PYY: variants seen among roughly 807,000 people sequenced by gnomAD.
PYY encodes peptide tyrosine tyrosine.
PYY carries 12 observed loss-of-function variants against 10.3 expected under a neutral mutation model. The ratio of observed to expected loss-of-function variants is 1.17; its 90% CI spans 0.75 to 1.89. The LOEUF is 1.89. Ranked by LOEUF, PYY falls within the 40% of genes most tolerant of loss-of-function variation. PYY has a pLI of 0.00. For missense variants in PYY, 141 were observed against 134.0 expected (o/e 1.05, Z -0.26); for synonymous variants, 66 against 62.0 (o/e 1.06, Z -0.30).
intron 1 of PYY, among the ~76,000 whole-genome samples, chr17:43,975,878 G>GTGTATAAGCGTA (rs2048828571): frequency 1.8e-4 from 1 of 5,592 alleles, no homozygotes; most frequent in Non-Finnish European, 5.4e-4. Flanking sequence ...ACGTGTCTAC[G>GTGTATAAGCGTA]TACGTGTACA....
intron 2 of PYY, among the ~76,000 whole-genome samples, chr17:43,965,016 C>T (rs201686701): frequency 2.6e-5 from 4 of 152,176 alleles, no homozygotes; most frequent in South Asian, 2.1e-4. Flanking sequence ...AATAAACACC[C>T]GTCAGTCCTG....
chr17:43,962,195 G>A (rs565535962), intron 2 of PYY, among the ~76,000 whole-genome samples: 13 of 152,228 alleles, frequency 8.5e-5, no homozygotes, highest in African/African-American at 2.6e-4. Flanking sequence ...CAAGAGTGAT[G>A]TGTGCCACTC....
At chr17:43,990,451 A>G (rs1197051839) in intron 1 of PYY, among the ~76,000 whole-genome samples, 1 of 151,616 alleles carries the variant, frequency 6.6e-6, no homozygotes, top group Non-Finnish European at 1.5e-5. Context: ...AAAAAAAAAA[A>G]AAAAAGAAAG....
intron 1 of PYY, among the ~76,000 whole-genome samples, chr17:43,976,478 T>C (rs993732094): frequency 2.0e-5 from 3 of 151,570 alleles, no homozygotes; most frequent in African/African-American, 4.9e-5. Flanking sequence ...CACACACATA[T>C]ATATATATGC....
intron 2 of PYY, 39 bp downstream of exon 2, chr17:43,953,257 G>A (rs753861101): frequency 1.2e-6 from 2 of 1,608,652 alleles, no homozygotes; most frequent in African/African-American, 1.3e-5. Context: ...GGGCCGCAGG[G>A]TGAGAGCCCC....
Position 43,953,286 on chromosome 17 carries a change from C to T in PYY, c.188+10G>A, listed in dbSNP as rs745347072. 1 of 1,611,024 alleles carries T rather than the reference C, an allele frequency of 6.2e-7. No individual in the cohort carries two copies. Among genetic ancestry groups the T allele is most frequent in the Non-Finnish European group, 8.5e-7 (1 of 1,178,568 alleles). ...GAGCCCCAGGGGTCCCGCTCCGCGC[C>T]TGCGCTCACCGCTGCCGGGTGACCA... On this transcript the variant is annotated intron_variant, in intron 2 of 3. Transcript: ENST00000692052.
At position 43,952,954 on chromosome 17, in the gene PYY, C is replaced by T; in HGVS notation, c.*2G>A. On this transcript the variant is annotated 3_prime_UTR_variant, in exon 4 of 4. Coordinates refer to ENST00000692052, the MANE Select transcript of PYY (RefSeq NM_001394028.1). Reference sequence around the variant, plus strand: ...AGATCTCCCAGGAGGCCTCAGGGGTCCTCACCACAGGTCTGGGCCCTCCGA... The same window carrying T: ...AGATCTCCCAGGAGGCCTCAGGGGTTCTCACCACAGGTCTGGGCCCTCCGA... 2 of 1,548,994 alleles carry T rather than the reference C, an allele frequency of 1.3e-6. No individual in the cohort carries two copies. The highest frequency in any genetic ancestry group is 1.7e-4 in the Middle Eastern group (1 of 5,758).
At chr17:43,989,755 T>C (rs1268394352) in intron 1 of PYY, among the ~76,000 whole-genome samples, 1 of 133,112 alleles carries the variant, frequency 7.5e-6, no homozygotes, top group African/African-American at 2.9e-5. Context: ...TGCAGTGAGC[T>C]ATGATCACAC....
chr17:43,998,082 A>G (rs2340605), intron 1 of PYY, among the ~76,000 whole-genome samples: 152,152 of 152,156 alleles, frequency 1, 76,074 homozygotes, highest in Non-Finnish European at 1. Flanking sequence ...GGGATTACAG[A>G]TGCCCACCAC....
chr17:43,962,738 C>T (rs976887432), intron 2 of PYY, among the ~76,000 whole-genome samples: 3 of 152,196 alleles, frequency 2.0e-5, no homozygotes, highest in Non-Finnish European at 2.9e-5. Flanking sequence ...ATGTAGTCAA[C>T]AGGTGTTACC....
At chr17:43,969,218 C>T (rs180769879) in intron 1 of PYY, among the ~76,000 whole-genome samples, 37 of 151,326 alleles carry the variant, frequency 2.4e-4, no homozygotes, top group African/African-American at 9.0e-4. Flanking sequence ...GTTCAATATT[C>T]AAAAATCAAT....
intron 2 of PYY, among the ~76,000 whole-genome samples, chr17:43,963,626 G>GAA (rs3080254): frequency 0.2 from 16,158 of 81,818 alleles, 1,488 homozygotes; most frequent in Middle Eastern, 0.27. Flanking sequence ...AAGAAAGAAA[G>GAA]AGAAAGAAAG....
At chr17:43,960,603 A>C (rs1235590970) in intron 2 of PYY, among the ~76,000 whole-genome samples, 2 of 148,550 alleles carry the variant, frequency 1.3e-5, no homozygotes, top group East Asian at 4.0e-4. Context: ...TAATCCCAGC[A>C]CTTTGGGAGG....
At position 43,983,914 on chromosome 17, in the gene PYY, C is replaced by G. The variant is rs375462413; in HGVS notation, c.-462-17382G>C. On this transcript the variant is annotated intron_variant, in intron 1 of 6. Transcript: ENST00000360085. ...GCCGGGCTGAGTGTTCCGAGGCGAG[C>G]GGCTGCTGTTTGCGCAGCTAAGTGG... Among the ~76,000 whole-genome samples, 434 of 152,332 alleles carry G rather than the reference C, an allele frequency of 2.8e-3. 1 individual carries two copies. Among genetic ancestry groups the G allele is most frequent in the African/African-American group, 0.01 (417 of 41,578 alleles).
In PYY at chr17:43,987,251, C is replaced by T. The variant is rs2048921733; in HGVS notation, c.-463+17140G>A. ...TGAGAAAATGGGGCTTCCCTCCCTC[C>T]CCGCCGCTGCTCTCTGACTTAATTA... is the stretch of plus-strand genomic sequence containing the variant. On this transcript the variant is annotated intron_variant, in intron 1 of 6. Coordinates refer to the PYY transcript ENST00000360085. The surrounding 1 kb of genome is among the most constrained non-coding windows in gnomAD (Gnocchi z 4.0). Among the ~76,000 whole-genome samples the T allele has an allele frequency of 6.6e-6, 1 of 152,168 alleles. No individual in the cohort carries two copies. The highest frequency in any genetic ancestry group is 6.5e-5 in the Admixed American group (1 of 15,272).
chr17:43,994,235 C>A (rs1301090967), intron 1 of PYY, among the ~76,000 whole-genome samples: 1 of 152,078 alleles, frequency 6.6e-6, no homozygotes, highest in African/African-American at 2.4e-5. Context: ...TGCCAGGCCC[C>A]CCTCTCTCTG....
At chr17:43,960,461 T>C (rs1412492839) in intron 2 of PYY, among the ~76,000 whole-genome samples, 8 of 134,366 alleles carry the variant, frequency 6.0e-5, no homozygotes, top group Non-Finnish European at 1.2e-4. Flanking sequence ...GGAGAATCAC[T>C]TGAACTGGGA....
chr17:43,985,683 A>G (rs1008602808), intron 1 of PYY, among the ~76,000 whole-genome samples: 1 of 152,238 alleles, frequency 6.6e-6, no homozygotes, highest in Non-Finnish European at 1.5e-5. Context: ...GCACAAGGCT[A>G]TTCATCAATG....
chr17:43,999,432 G>A (rs1176510304), intron 1 of PYY, among the ~76,000 whole-genome samples: 3 of 152,102 alleles, frequency 2.0e-5, no homozygotes, highest in South Asian at 2.1e-4. Flanking sequence ...GAGGGGTGGC[G>A]GGGGAGGTGA....
Sources: gnomAD v4.1 joint callset for allele counts (sites outside exome capture counted in the v4.1 genomes callset) on GRCh38, gnomAD v4.1.1 for gene constraint, Gnocchi (gnomAD v3.1) non-coding constraint, MANE v1.5 for transcripts, NCBI Gene and HGNC (gene_info 2026-07-23, HGNC 2026-07-21) for gene names.